The following FREM1 variants were observed in gnomAD, a reference collection of about 807,000 sequenced individuals.
The protein encoded by FREM1 is FRAS1 related extracellular matrix 1.
Under a neutral mutation model 210.1 loss-of-function variants are expected in FREM1, and 220 were observed. That is an observed-to-expected ratio of 1.05 (90% CI 0.94 to 1.17). The LOEUF is 1.17. Ranked by LOEUF, FREM1 falls within the 50% of genes most tolerant of loss-of-function variation. FREM1 has a pLI of 0.00. For missense variants in FREM1, 3,454 were observed against 2,675.5 expected (o/e 1.29, Z -6.42); for synonymous variants, 1,189 against 980.2 (o/e 1.21, Z -3.98).
chr9:14,747,023 C>A lies in FREM1; in HGVS notation c.6038G>T (p.Cys2013Phe). 1.2e-6 allele frequency: 2 copies of A among 1,613,096 alleles called. No homozygotes were observed. Among genetic ancestry groups the A allele is most frequent in the Non-Finnish European group, 1.7e-6 (2 of 1,179,548 alleles). Residue 2013 changes from cysteine to phenylalanine, a missense_variant, in exon 34 of 37, where the codon TGC becomes TTC. Transcript: ENST00000380880. ...GAAGAGTCCCTTTAATTCCAGAGTG[C>A]AGTTCTTTGGAAATGAGGGCAACTG... ...QDQLPSFPKNCTLELKGLFHF... is the reference protein window; with the variant it reads ...QDQLPSFPKNFTLELKGLFHF...
At chr9:14,877,498 T>A (rs997892026) in intron 1 of FREM1, among the ~76,000 whole-genome samples, 1 of 150,312 alleles carries the variant, frequency 6.7e-6, no homozygotes, top group African/African-American at 2.5e-5. Context: ...TCTCCTAGTA[T>A]CCAAAAGTTC....
intron 1 of FREM1, among the ~76,000 whole-genome samples, chr9:14,883,115 A>G (rs562490566): frequency 2.0e-5 from 3 of 152,210 alleles, no homozygotes; most frequent in Admixed American, 6.5e-5. Context: ...GAAGGTGGCA[A>G]GGTGGCAAAA....
intron 22 of FREM1, chr9:14,790,892 T>G (rs1254541045): frequency 1.3e-5 from 2 of 152,234 alleles, no homozygotes; most frequent in African/African-American, 4.8e-5. Flanking sequence ...GCATTTCTGC[T>G]TCATTACTCT....
chr9:14,884,876 G>A (rs1302355153), intron 1 of FREM1, among the ~76,000 whole-genome samples: 1 of 140,240 alleles, frequency 7.1e-6, no homozygotes, highest in Non-Finnish European at 1.5e-5. Flanking sequence ...CCCCTCCTAT[G>A]CCCAGCATAG....
chr9:14,747,815 A>C (rs1842736381), intron 31 of FREM1, 87 bp from the exon 32 acceptor site: 1 of 734,574 alleles, frequency 1.4e-6, no homozygotes, highest in Non-Finnish European at 2.2e-6. Flanking sequence ...AGATCTTGCT[A>C]ATGTCTGAAC....
At chr9:14,892,821 C>T (rs1386747732) in intron 1 of FREM1, among the ~76,000 whole-genome samples, 2 of 152,140 alleles carry the variant, frequency 1.3e-5, no homozygotes, top group Non-Finnish European at 2.9e-5. Context: ...CCCACTCTGC[C>T]CCAGGCAATG....
chr9:14,781,831 G>A (rs1849681918), intron 24 of FREM1, among the ~76,000 whole-genome samples: 1 of 152,146 alleles, frequency 6.6e-6, no homozygotes, highest in Non-Finnish European at 1.5e-5. Context: ...AGCCTCCTAA[G>A]TAGCTAGGAT....
chr9:14,759,853 T>G lies in FREM1; in HGVS notation c.5253A>C (p.Glu1751Asp). Residue 1751 changes from glutamate to aspartate, a missense_variant, in exon 28 of 37, where the codon GAA becomes GAC. Physicochemically the swap from Glu to Asp is conservative, Grantham distance 45. Coordinates refer to ENST00000380880, the MANE Select transcript of FREM1 (RefSeq NM_001379081.2). ...SHIEWSQTEY[E>D]VCENVGLLPL... ...GCAACAAACCCACATTCTCACAGACTTCATATTCGGTCTGTGACCATTCAA... is the reference window on the plus strand; with the variant it reads ...GCAACAAACCCACATTCTCACAGACGTCATATTCGGTCTGTGACCATTCAA... 6.2e-7 allele frequency: 1 copy of G among 1,610,674 alleles called. No homozygotes were observed. Among genetic ancestry groups the G allele is most frequent in the Non-Finnish European group, 8.5e-7 (1 of 1,177,186 alleles).
intron 29 of FREM1, chr9:14,751,896 G>T (rs1055607662): frequency 2.6e-5 from 4 of 151,506 alleles, no homozygotes; most frequent in African/African-American, 9.7e-5. Flanking sequence ...GGAATAAATA[G>T]ATTTTATTCA....
At chr9:14,778,391 G>C (rs1295534851) in intron 24 of FREM1, among the ~76,000 whole-genome samples, 4 of 151,404 alleles carry the variant, frequency 2.6e-5, no homozygotes, top group Non-Finnish European at 2.9e-5. Flanking sequence ...CGGGCAGATG[G>C]CTTGAGTCCA....
intron 10 of FREM1, 42 bp downstream of exon 10, chr9:14,841,405 G>C (rs185942181): frequency 6.0e-6 from 9 of 1,506,248 alleles, no homozygotes; most frequent in Non-Finnish European, 1.8e-6. Flanking sequence ...ATTGACACCT[G>C]TGCACAAGAC....
chr9:14,748,000 AAC>A (rs143991406), intron 31 of FREM1, among the ~76,000 whole-genome samples: 1 of 151,962 alleles, frequency 6.6e-6, no homozygotes, highest in Admixed American at 6.5e-5. Flanking sequence ...CAGGTCCAAG[AAC>A]ACACACACAC....
chr9:14,870,066 G>C (rs114754911), intron 1 of FREM1, among the ~76,000 whole-genome samples: 1,703 of 152,238 alleles, frequency 0.011, 28 homozygotes, highest in African/African-American at 0.038. Context: ...AAAATGCACT[G>C]AAATATATCC....
intron 14 of FREM1, among the ~76,000 whole-genome samples, chr9:14,818,362 G>A (rs1820684567): frequency 6.6e-6 from 1 of 152,282 alleles, no homozygotes; most frequent in East Asian, 1.9e-4. Context: ...ATCAATGGTG[G>A]AACTAAACTG....
intron 28 of FREM1, among the ~76,000 whole-genome samples, chr9:14,758,185 G>C (rs893720771): frequency 3.3e-5 from 5 of 152,180 alleles, no homozygotes; most frequent in African/African-American, 1.2e-4. Flanking sequence ...GTTGTGCTCA[G>C]GGTAGAGTTG....
chr9:14,871,578 C>T (rs963608967), intron 1 of FREM1, among the ~76,000 whole-genome samples: 4 of 152,124 alleles, frequency 2.6e-5, no homozygotes, highest in Middle Eastern at 3.4e-3. Flanking sequence ...GAGTAGGTTG[C>T]GAAAATTTTC....
chr9:14,792,303 C>CAT (rs369927789), intron 22 of FREM1, among the ~76,000 whole-genome samples: 1 of 137,678 alleles, frequency 7.3e-6, no homozygotes, highest in Admixed American at 7.2e-5. Flanking sequence ...CACACACACA[C>CAT]AGAGAGAGAG....
intron 17 of FREM1, among the ~76,000 whole-genome samples, chr9:14,807,262 G>T (rs1388700394): frequency 6.6e-6 from 1 of 152,132 alleles, no homozygotes; most frequent in South Asian, 2.1e-4. Context: ...AGATCAGTTG[G>T]TACCTCTGTT....
intron 1 of FREM1, among the ~76,000 whole-genome samples, chr9:14,874,830 G>GCTTCCTTCAGC (rs1231394097): frequency 2.0e-5 from 3 of 152,064 alleles, no homozygotes; most frequent in Non-Finnish European, 2.9e-5. Context: ...CATATTTAGT[G>GCTTCCTTCAGC]CTTCCTTCAG....
Sources: allele counts gnomAD v4.1 joint callset (sites outside exome capture counted in the v4.1 genomes callset), GRCh38; gene constraint gnomAD v4.1.1; transcripts MANE v1.5; gene names NCBI Gene and HGNC (gene_info 2026-07-23, HGNC 2026-07-21).